Variants in ABCA12 observed in about 807,000 individuals in gnomAD.
ABCA12 encodes the protein ATP binding cassette subfamily A member 12, also known as glucosylceramide transporter ABCA12.
A neutral mutation model predicts 293.5 loss-of-function variants in ABCA12; 156 were observed. That is an observed-to-expected ratio of 0.53 (90% CI 0.47 to 0.61). ABCA12 has a LOEUF of 0.61. Among genes scored for constraint, ABCA12 ranks in the 20% least tolerant of loss-of-function variants. The probability of loss-of-function intolerance (pLI) is 0.00; values close to 1 mark genes in which losing one functional copy is unlikely to be tolerated. For synonymous variants in ABCA12, 1,063 were observed against 1,108.0 expected (o/e 0.96, Z 0.81); for missense variants, 2,797 against 3,090.2 (o/e 0.91, Z 2.25).
intron 26 of ABCA12, among the ~76,000 whole-genome samples, chr2:214,989,126 C>T (rs1481815830): frequency 7.4e-6 from 1 of 135,152 alleles, no homozygotes; most frequent in African/African-American, 2.6e-5. Context: ...TTGCAGTGAG[C>T]CGAGATCACG....
rs1269333094 is a variant in ABCA12 at position 215,138,555 on chromosome 2, C to T, written c.-347G>A. 1.5e-5 allele frequency: 4 copies of T among 271,440 alleles called. No individual in the cohort carries two copies. In the East Asian group the frequency reaches 2.6e-4, roughly 18 times the overall value. The allele number at this position is 271,440 out of a possible 1,614,324, so 16.8% of individuals were successfully genotyped here. On this transcript the variant is annotated 5_prime_UTR_variant, in exon 1 of 53. Transcript: ENST00000272895. ...AATGAGCATCATTCAGATAATGCCT[C>T]ACTGAAAAAAAAAAAAAAGCAGCAG...
rs2106048990 is a variant in ABCA12, at chr2:215,045,992, C to G, written c.717G>C (p.Gln239His). Residue 239 changes from glutamine (Q) to histidine (H), a missense_variant, in exon 7 of 53, where the codon CAG (glutamine) becomes CAC (histidine). Gln to His is a conservative substitution (Grantham distance 24). Around this residue, in one of 3 missense-constraint regions of ABCA12, gnomAD observed 656 missense variants for 638.2 expected, o/e 1.03. Transcript: ENST00000272895. ...TGACTATTTCCTGAAACACTATCTTCTGATTGTTGGGGTCACTGGATAGCT... is the reference window on the plus strand; with the variant it reads ...TGACTATTTCCTGAAACACTATCTTGTGATTGTTGGGGTCACTGGATAGCT... ...FSQLSSDPNN[Q>H]KIVFQEIVRM... 1 of 1,613,616 alleles carries G rather than the reference C, an allele frequency of 6.2e-7. No individual in the cohort carries two copies. Among genetic ancestry groups the G allele is most frequent in the South Asian group, 1.1e-5 (1 of 91,064 alleles).
intron 11 of ABCA12, among the ~76,000 whole-genome samples, chr2:215,020,106 T>C (rs1700594368): frequency 6.6e-6 from 1 of 152,206 alleles, no homozygotes; most frequent in Non-Finnish European, 1.5e-5. Context: ...TAATTTTATA[T>C]TTTGATTTAT....
intron 49 of ABCA12, 107 bp downstream of exon 49, chr2:214,944,894 C>CAT: frequency 2.6e-6 from 2 of 780,210 alleles, no homozygotes; most frequent in South Asian, 1.5e-5. Flanking sequence ...TATACACACA[C>CAT]ATATATATGT....
intron 44 of ABCA12, 96 bp from the exon 45 acceptor site, chr2:214,951,179 A>G: frequency 9.3e-7 from 1 of 1,075,588 alleles, no homozygotes; most frequent in Admixed American, 1.7e-5. Context: ...CTAACAGTGT[A>G]CTAGTCATCA....
At chr2:214,967,250 A>G (rs1023431752) in intron 38 of ABCA12, among the ~76,000 whole-genome samples, 1 of 152,132 alleles carries the variant, frequency 6.6e-6, no homozygotes, top group African/African-American at 2.4e-5. Context: ...ATCATTATCT[A>G]CATCCCTGTG....
Position 215,038,772 on chromosome 2 carries a change from A to G in ABCA12, c.873-1707T>C, listed in dbSNP as rs184737304. On this transcript the variant is annotated intron_variant, in intron 7 of 52. Transcript: ENST00000272895. ...ATCTTCAAAGACTGAACATTTGACA[A>G]TCTCATTAAATCTTTCAGCATTATT... 3.3e-5 allele frequency among the ~76,000 whole-genome samples: 5 copies of G among 152,294 alleles called. No individual in the cohort carries two copies. In the South Asian group the frequency reaches 6.2e-4, roughly 19 times the overall value.
intron 6 of ABCA12, among the ~76,000 whole-genome samples, chr2:215,047,077 C>G (rs73072695): frequency 0.14 from 21,208 of 152,046 alleles, 4,456 homozygotes; most frequent in African/African-American, 0.46. Flanking sequence ...TCTGTCAGAG[C>G]TGGATAGGGG....
chr2:215,054,573 C>A lies in ABCA12; in HGVS notation c.409G>T (p.Ala137Ser), dbSNP rs1396301806. 2.5e-6 allele frequency: 4 copies of A among 1,609,260 alleles called. No homozygotes were observed. The highest frequency in any genetic ancestry group is 3.3e-5 in the Admixed American group (2 of 59,906). ...AACTCTACAGAAGAAAATAGCTTAC[C>A]TAGTGATGCATGCCTTCTTTCTGGA... ...QVPERRHASL[A>S]TVFPSPSSDL... is the part of the protein sequence containing the mutation. Residue 137 changes from alanine (A) to serine (S), a missense_variant and splice_region_variant, in exon 4 of 53, where the codon GCC becomes TCC. By Grantham distance (99) the Ala-to-Ser change is moderately conservative. Around this residue, in one of 3 missense-constraint regions of ABCA12, gnomAD observed 656 missense variants for 638.2 expected, o/e 1.03. Coordinates refer to ENST00000272895, the MANE Select transcript of ABCA12 (RefSeq NM_173076.3).
intron 8 of ABCA12, among the ~76,000 whole-genome samples, chr2:215,036,024 T>G (rs1700982569): frequency 6.6e-6 from 1 of 152,196 alleles, no homozygotes; most frequent in South Asian, 2.1e-4. Context: ...TGTCTGGTTT[T>G]CTAGCCTAAA....
chr2:215,077,591 C>T (rs1679449278), intron 2 of ABCA12, among the ~76,000 whole-genome samples: 1 of 152,220 alleles, frequency 6.6e-6, no homozygotes, highest in South Asian at 2.1e-4. Context: ...CTACTCTCCA[C>T]TGAGCATCAT....
At chr2:214,934,022 T>G (rs1698143101) in intron 52 of ABCA12, 56 bp downstream of exon 52, 1 of 1,546,930 alleles carries the variant, frequency 6.5e-7, no homozygotes, top group African/African-American at 1.4e-5. Flanking sequence ...ATAACCAGAA[T>G]GAATAATAAT....
intron 3 of ABCA12, among the ~76,000 whole-genome samples, chr2:215,063,692 A>T (rs776061538): frequency 6.6e-6 from 1 of 151,942 alleles, no homozygotes; most frequent in Non-Finnish European, 1.5e-5. Context: ...CCAGTATGTG[A>T]TTCTTCCAGG....
intron 19 of ABCA12, among the ~76,000 whole-genome samples, chr2:215,007,465 C>A (rs1700279223): frequency 6.6e-6 from 1 of 152,126 alleles, no homozygotes; most frequent in Non-Finnish European, 1.5e-5. Context: ...TGATTTACAT[C>A]ACTAGTTATG....
intron 8 of ABCA12, chr2:215,035,664 C>CAAAAA (rs748783341): frequency 4.4e-5 from 2 of 45,680 alleles, no homozygotes; most frequent in East Asian, 6.7e-4. Flanking sequence ...GACTCCATCT[C>CAAAAA]AAAAAAAAAA....
Position 215,076,296 on chromosome 2 carries a change from A to C in ABCA12, c.164-12077T>G, listed in dbSNP as rs182571865. On this transcript the variant is annotated intron_variant, in intron 2 of 52. Coordinates refer to ENST00000272895, the MANE Select transcript of ABCA12 (RefSeq NM_173076.3). ...CATTTTTCGTCAAAGTTACTGTCTC[A>C]TTAAGGGGAAAAATAGCAGACAAAA... Among the ~76,000 whole-genome samples, 12 of 152,306 alleles carry C rather than the reference A, an allele frequency of 7.9e-5. No individual in the cohort carries two copies. The East Asian group carries it at 2.3e-3, about 29-fold the overall frequency.
chr2:215,034,347 T>C (rs1700945079), intron 8 of ABCA12, among the ~76,000 whole-genome samples: 1 of 152,140 alleles, frequency 6.6e-6, no homozygotes. Flanking sequence ...AATCTTGAAG[T>C]GTGCTCATAC....
At chr2:215,076,989 A>G (rs1052398721) in intron 2 of ABCA12, among the ~76,000 whole-genome samples, 1 of 152,196 alleles carries the variant, frequency 6.6e-6, no homozygotes, top group East Asian at 1.9e-4. Flanking sequence ...CAAGCATAAG[A>G]ATGTTACACA....
Position 214,932,338 on chromosome 2 carries a change from A to AATT in ABCA12, c.*293_*295dup, listed in dbSNP as rs1211377894. 2 of 327,436 alleles carry AATT rather than the reference A, an allele frequency of 6.1e-6. No homozygotes were observed. The highest frequency in any genetic ancestry group is 2.1e-5 in the African/African-American group (1 of 46,554). The allele number at this position is 327,436 out of a possible 1,614,324, so 20.3% of individuals were successfully genotyped here. ...AACTGTCTTTTTATTGAAAGTAATA[A>AATT]ATTAAGATATTCATCTTGAGGTGGC... On this transcript the variant is annotated 3_prime_UTR_variant, in exon 53 of 53. Coordinates refer to ENST00000272895, the MANE Select transcript of ABCA12 (RefSeq NM_173076.3).
Sources: gnomAD v4.1 joint callset for allele counts (sites outside exome capture counted in the v4.1 genomes callset) on GRCh38, gnomAD v4.1.1 for gene constraint, gnomAD v4.1.1 regional missense constraint, MANE v1.5 for transcripts, NCBI Gene and HGNC (gene_info 2026-07-23, HGNC 2026-07-21) for gene names.